Variants in CHCHD6 observed in about 807,000 individuals in gnomAD.
CHCHD6 encodes MICOS complex subunit MIC25.
A neutral mutation model predicts 32.3 loss-of-function variants in CHCHD6; 28 were observed. The observed-to-expected ratio is 0.87, with a 90% CI of 0.64 to 1.19. The LOEUF (loss-of-function observed/expected upper bound fraction) is 1.19, where lower values mean the gene tolerates loss of function less well. Ranked by LOEUF, CHCHD6 falls within the 50% of genes most tolerant of loss-of-function variation. The pLI, the probability that CHCHD6 is intolerant of heterozygous loss-of-function variation, is 0.00. For synonymous variants in CHCHD6, 122 were observed against 117.5 expected, an observed-to-expected ratio of 1.04 and a Z score of -0.25; for missense variants, 333 against 307.0, an observed-to-expected ratio of 1.08 and a Z score of -0.63.
chr3:126,874,864 C>G (rs1229815984), intron 5 of CHCHD6, among the ~76,000 whole-genome samples: 2 of 152,192 alleles, frequency 1.3e-5, no homozygotes, highest in African/African-American at 4.8e-5. Flanking sequence ...TGTCCTAGCC[C>G]CTTCTGGCTG....
chr3:126,709,774 C>G (rs1166392285), intron 1 of CHCHD6, among the ~76,000 whole-genome samples: 1 of 152,132 alleles, frequency 6.6e-6, no homozygotes, highest in Non-Finnish European at 1.5e-5. Flanking sequence ...ATGTGCCTAT[C>G]CTTATATTTT....
intron 6 of CHCHD6, among the ~76,000 whole-genome samples, chr3:126,951,330 G>GTGAAAAC (rs2078712814): frequency 6.6e-6 from 1 of 152,184 alleles, no homozygotes; most frequent in Non-Finnish European, 1.5e-5. Flanking sequence ...TTATAGGAGT[G>GTGAAAAC]TGAAAACAGA....
chr3:126,803,492 A>T (rs557787687), intron 4 of CHCHD6, among the ~76,000 whole-genome samples: 318 of 152,340 alleles, frequency 2.1e-3, no homozygotes, highest in Non-Finnish European at 3.2e-3. Flanking sequence ...TGGTAAAGGG[A>T]TCAATTCAAC....
chr3:126,950,041 T>C (rs1576642397), intron 6 of CHCHD6, among the ~76,000 whole-genome samples: 1 of 151,294 alleles, frequency 6.6e-6, no homozygotes, highest in East Asian at 1.9e-4. Context: ...GCTTGTTGTG[T>C]TATGAATGGG....
intron 1 of CHCHD6, among the ~76,000 whole-genome samples, chr3:126,714,900 TTGTGAACTG>T (rs1179692415): frequency 2.6e-5 from 4 of 152,166 alleles, no homozygotes; most frequent in South Asian, 4.1e-4. Flanking sequence ...ATGCCTCACT[TTGTGAACTG>T]TGTGAACTTT....
chr3:126,852,556 T>A, intron 4 of CHCHD6, 91 bp from the exon 5 acceptor site: 1 of 835,338 alleles, frequency 1.2e-6, no homozygotes, highest in Non-Finnish European at 2.1e-6. Flanking sequence ...TCATTGTGAA[T>A]GTGAGCAGAA....
intron 4 of CHCHD6, among the ~76,000 whole-genome samples, chr3:126,777,589 T>C (rs1293028909): frequency 6.6e-6 from 1 of 152,176 alleles, no homozygotes; most frequent in East Asian, 1.9e-4. Flanking sequence ...AGATAAGCAC[T>C]GCCACACTGC....
At chr3:126,727,312 G>C (rs1449547462) in intron 2 of CHCHD6, 126 bp downstream of exon 2, 2 of 559,006 alleles carry the variant, frequency 3.6e-6, no homozygotes, top group Non-Finnish European at 6.3e-6. Context: ...AAGCAGCTCT[G>C]TCTGGTAAGG....
intron 3 of CHCHD6, among the ~76,000 whole-genome samples, 181 bp from the exon 4 acceptor site, chr3:126,732,897 C>G (rs1382678995): frequency 1.3e-5 from 2 of 152,158 alleles, no homozygotes; most frequent in Admixed American, 1.3e-4. Context: ...TCACTGATGC[C>G]TGAGCTTGGG....
chr3:126,797,037 T>A (rs1376704453), intron 4 of CHCHD6, among the ~76,000 whole-genome samples: 1 of 152,160 alleles, frequency 6.6e-6, no homozygotes, highest in Non-Finnish European at 1.5e-5. Context: ...TTTCAGAGGC[T>A]TAGATGGATG....
chr3:126,945,821 G>T (rs2078629523), intron 6 of CHCHD6, among the ~76,000 whole-genome samples: 1 of 151,390 alleles, frequency 6.6e-6, no homozygotes, highest in Admixed American at 6.6e-5. Context: ...AGACTAAAGG[G>T]GTAAACTTGG....
chr3:126,950,018 G>A, intron 6 of CHCHD6: 1 of 152,936 alleles, frequency 6.5e-6, no homozygotes, highest in Non-Finnish European at 1.5e-5. Flanking sequence ...GAGGAAGGGA[G>A]GGCTGCACAG....
chr3:126,929,827 A>G (rs988795610), intron 6 of CHCHD6, among the ~76,000 whole-genome samples: 2 of 152,162 alleles, frequency 1.3e-5, no homozygotes, highest in African/African-American at 4.8e-5. Flanking sequence ...CAGCCTCCCA[A>G]GGTGCTGGGA....
chr3:126,788,054 A>G (rs1272546963), intron 4 of CHCHD6, among the ~76,000 whole-genome samples: 1 of 152,156 alleles, frequency 6.6e-6, no homozygotes, highest in South Asian at 2.1e-4. Flanking sequence ...AATTTTGTCA[A>G]AGGCCTTTTC....
At chr3:126,711,385 T>C (rs912852534) in intron 1 of CHCHD6, among the ~76,000 whole-genome samples, 2 of 152,206 alleles carry the variant, frequency 1.3e-5, no homozygotes, top group African/African-American at 2.4e-5. Context: ...CTTCTGAGCT[T>C]GCCTCCTTGA....
At chr3:126,793,636 T>G (rs1194537616) in intron 4 of CHCHD6, among the ~76,000 whole-genome samples, 3 of 152,202 alleles carry the variant, frequency 2.0e-5, no homozygotes, top group Non-Finnish European at 4.4e-5. Flanking sequence ...AGAGAGGCAT[T>G]GTTGTATTTA....
At chr3:126,838,590 C>G (rs941520121) in intron 4 of CHCHD6, among the ~76,000 whole-genome samples, 1 of 152,194 alleles carries the variant, frequency 6.6e-6, no homozygotes, top group African/African-American at 2.4e-5. Flanking sequence ...ATGGTGTGCA[C>G]CTGTCCAAGC....
intron 1 of CHCHD6, among the ~76,000 whole-genome samples, chr3:126,717,005 TC>T (rs1479490049): frequency 3.9e-5 from 6 of 152,154 alleles, no homozygotes; most frequent in Admixed American, 2.6e-4. Flanking sequence ...CAGGTGCATC[TC>T]CCCTTGCTCT....
rs137905229 is a variant in CHCHD6, at chr3:126,755,122, C to A, written c.411+21900C>A. Reference sequence around the variant, plus strand: ...CAGAGGAAAGTGGATTGGGCATAAGCAGTGCCAGCCAAGAACATGAGGAGG... The same window carrying A: ...CAGAGGAAAGTGGATTGGGCATAAGAAGTGCCAGCCAAGAACATGAGGAGG... On this transcript the variant is annotated intron_variant, in intron 4 of 7. Coordinates refer to ENST00000290913, the MANE Select transcript of CHCHD6 (RefSeq NM_032343.3). Among the ~76,000 whole-genome samples, 245 of 152,298 alleles carry A rather than the reference C, an allele frequency of 1.6e-3. 2 individuals are homozygous for A. The highest frequency in any genetic ancestry group is 2.4e-3 in the Non-Finnish European group (166 of 68,030).
Sources: gnomAD v4.1 joint callset for allele counts (sites outside exome capture counted in the v4.1 genomes callset) on GRCh38, gnomAD v4.1.1 for gene constraint, MANE v1.5 for transcripts, NCBI Gene and HGNC (gene_info 2026-07-23, HGNC 2026-07-21) for gene names.